The following CNTN4 variants were observed in gnomAD, a reference collection of about 807,000 sequenced individuals.
CNTN4 encodes the protein contactin 4, also known as contactin-4.
In CNTN4, 77 loss-of-function variants were observed where a neutral mutation model predicts 122.5. That is an observed-to-expected ratio of 0.63 (90% CI 0.52 to 0.76). CNTN4 has a LOEUF of 0.76. CNTN4 is among the 30% of genes least tolerant of loss of function. The pLI is 0.00. For missense variants in CNTN4, 1,256 were observed against 1,259.1 expected, an observed-to-expected ratio of 1.00 and a Z score of 0.04; for synonymous variants, 512 against 447.0, an observed-to-expected ratio of 1.15 and a Z score of -1.83.
intron 3 of CNTN4, among the ~76,000 whole-genome samples, chr3:2,555,182 G>T (rs914511477): frequency 6.6e-6 from 1 of 152,026 alleles, no homozygotes; most frequent in Non-Finnish European, 1.5e-5. Flanking sequence ...TTTTAAATCC[G>T]AGTCAACTTC....
chr3:2,485,838 C>T (rs2076144213), intron 3 of CNTN4, among the ~76,000 whole-genome samples: 1 of 152,074 alleles, frequency 6.6e-6, no homozygotes, highest in African/African-American at 2.4e-5. Flanking sequence ...CCAGTCAGCA[C>T]CCTGTCAAAA....
chr3:2,694,571 A>G (rs1286852934), intron 4 of CNTN4, among the ~76,000 whole-genome samples: 1 of 152,170 alleles, frequency 6.6e-6, no homozygotes, highest in Non-Finnish European at 1.5e-5. Flanking sequence ...CTCTACCAAA[A>G]GTACAAAAAT....
intron 10 of CNTN4, among the ~76,000 whole-genome samples, chr3:2,893,692 A>G (rs1487758542): frequency 2.0e-5 from 3 of 152,226 alleles, no homozygotes; most frequent in Non-Finnish European, 4.4e-5. Context: ...CAAGGACAAT[A>G]TATTGAAATG....
intron 6 of CNTN4, among the ~76,000 whole-genome samples, chr3:2,804,732 G>T: frequency 8.8e-6 from 1 of 114,004 alleles, no homozygotes; most frequent in Non-Finnish European, 1.9e-5. Context: ...CACATATTTT[G>T]AGCACTTTTT....
At chr3:3,018,400 T>C (rs1240412765) in intron 14 of CNTN4, among the ~76,000 whole-genome samples, 1 of 152,192 alleles carries the variant, frequency 6.6e-6, no homozygotes, top group African/African-American at 2.4e-5. Flanking sequence ...CTGTGGAGTA[T>C]TCATTTTAAA....
intron 13 of CNTN4, among the ~76,000 whole-genome samples, chr3:2,956,836 C>T (rs1429739392): frequency 6.6e-6 from 1 of 152,184 alleles, no homozygotes; most frequent in Non-Finnish European, 1.5e-5. Flanking sequence ...GCTCTACTTT[C>T]TGCTTCTACG....
intron 3 of CNTN4, among the ~76,000 whole-genome samples, chr3:2,407,813 T>G (rs1311777974): frequency 6.6e-6 from 1 of 152,214 alleles, no homozygotes; most frequent in Non-Finnish European, 1.5e-5. Flanking sequence ...ATTTTGAGAA[T>G]GGGTAAGTTA....
In CNTN4 at chr3:2,385,369, A is replaced by G. The variant is rs1326697437; in HGVS notation, c.-89+46136A>G. ...TTGTTGCACTGAATAACCTATTAGC[A>G]TACTTAAGGCAGAGTCTTTGTCCTT... On this transcript the variant is annotated intron_variant, in intron 3 of 24. Coordinates refer to ENST00000418658, the MANE Select transcript of CNTN4 (RefSeq NM_175607.3). The surrounding 1 kb of genome is among the most constrained non-coding windows in gnomAD (Gnocchi z 4.0). Among the ~76,000 whole-genome samples the G allele has an allele frequency of 6.6e-6, 1 of 152,108 alleles. No individual in the cohort carries two copies. The highest frequency in any genetic ancestry group is 1.5e-5 in the Non-Finnish European group (1 of 68,030).
intron 14 of CNTN4, among the ~76,000 whole-genome samples, chr3:2,992,301 T>G (rs1237003399): frequency 6.6e-6 from 1 of 152,240 alleles, no homozygotes; most frequent in African/African-American, 2.4e-5. Flanking sequence ...GGTTTTGTTT[T>G]TCAGGCTAGT....
At chr3:2,540,374 G>T (rs867408793) in intron 3 of CNTN4, among the ~76,000 whole-genome samples, 2 of 151,956 alleles carry the variant, frequency 1.3e-5, no homozygotes, top group Admixed American at 6.6e-5. Context: ...TGTCTCGTGG[G>T]CATGGAGTGT....
At chr3:3,018,047 GT>G (rs1158046720) in intron 14 of CNTN4, among the ~76,000 whole-genome samples, 1 of 152,152 alleles carries the variant, frequency 6.6e-6, no homozygotes, top group Non-Finnish European at 1.5e-5. Context: ...AAACTGTGGT[GT>G]TTCCATTTGT....
At chr3:2,580,625 GT>G (rs2079892804) in intron 4 of CNTN4, among the ~76,000 whole-genome samples, 1 of 152,146 alleles carries the variant, frequency 6.6e-6, no homozygotes, top group Non-Finnish European at 1.5e-5. Context: ...GTTGGATGAT[GT>G]AGCCCCACTT....
At chr3:2,624,338 T>C (rs2082101084) in intron 4 of CNTN4, among the ~76,000 whole-genome samples, 2 of 152,136 alleles carry the variant, frequency 1.3e-5, no homozygotes. Context: ...GATTCAGCTT[T>C]TTAAGAATTT....
chr3:2,231,905 TAACAC>T (rs1170057401), intron 2 of CNTN4, among the ~76,000 whole-genome samples: 2 of 151,588 alleles, frequency 1.3e-5, no homozygotes, highest in Non-Finnish European at 2.9e-5. Context: ...AGGTATTTAT[TAACAC>T]AATACAACAC....
At chr3:2,121,379 A>T (rs951900441) in intron 2 of CNTN4, among the ~76,000 whole-genome samples, 1 of 151,464 alleles carries the variant, frequency 6.6e-6, no homozygotes, top group South Asian at 2.1e-4. Flanking sequence ...GTGCCTGTAA[A>T]CCCAGCTACT....
chr3:2,673,869 G>C (rs2150402616), intron 4 of CNTN4, among the ~76,000 whole-genome samples: 1 of 152,204 alleles, frequency 6.6e-6, no homozygotes, highest in East Asian at 1.9e-4. Flanking sequence ...AGGCCTTGCA[G>C]CTTCCACTTT....
chr3:2,869,387 G>T (rs1338246041), intron 8 of CNTN4, among the ~76,000 whole-genome samples: 1 of 152,156 alleles, frequency 6.6e-6, no homozygotes, highest in African/African-American at 2.4e-5. Flanking sequence ...TGCTGGTAAA[G>T]CTGCGAGAAC....
intron 4 of CNTN4, among the ~76,000 whole-genome samples, chr3:2,618,821 C>A (rs2081880673): frequency 6.6e-6 from 1 of 152,164 alleles, no homozygotes; most frequent in Admixed American, 6.5e-5. Flanking sequence ...CTCTGACATA[C>A]TTCTCTTAAA....
chr3:2,289,559 A>G (rs777314807), intron 2 of CNTN4, among the ~76,000 whole-genome samples: 250 of 152,334 alleles, frequency 1.6e-3, no homozygotes, highest in Non-Finnish European at 2.6e-3. Context: ...TTAAGTCAGC[A>G]TTTATTGAAC....
Sources: allele counts gnomAD v4.1 joint callset (sites outside exome capture counted in the v4.1 genomes callset), GRCh38; gene constraint gnomAD v4.1.1; non-coding constraint Gnocchi (gnomAD v3.1); transcripts MANE v1.5; gene names NCBI Gene and HGNC (gene_info 2026-07-23, HGNC 2026-07-21).